Variants in KIF21A observed in about 807,000 individuals in gnomAD.
KIF21A encodes kinesin family member 21A.
A neutral mutation model predicts 202.9 loss-of-function variants in KIF21A; 114 were observed. The ratio of observed to expected loss-of-function variants is 0.56; its 90% CI spans 0.48 to 0.66. The LOEUF is 0.66. Among genes scored for constraint, KIF21A ranks in the 30% least tolerant of loss-of-function variants. KIF21A has a pLI of 0.00. For synonymous variants in KIF21A, 667 were observed against 670.8 expected (o/e 0.99, Z 0.09); for missense variants, 1,677 against 1,994.9 (o/e 0.84, Z 3.04).
intron 32 of KIF21A, among the ~76,000 whole-genome samples, chr12:39,310,678 C>T (rs79067965): frequency 0.036 from 5,437 of 152,098 alleles, 339 homozygotes; most frequent in African/African-American, 0.12. Context: ...AATATCCAAA[C>T]CATCCTATAC....
intron 1 of KIF21A, among the ~76,000 whole-genome samples, chr12:39,440,766 C>T (rs1166921709): frequency 1.3e-5 from 2 of 152,154 alleles, no homozygotes; most frequent in African/African-American, 4.8e-5. Context: ...TGGCTAATGC[C>T]TGTAATCCCA....
intron 1 of KIF21A, among the ~76,000 whole-genome samples, chr12:39,383,630 C>T (rs1274540868): frequency 6.6e-6 from 1 of 151,988 alleles, no homozygotes; most frequent in Admixed American, 6.6e-5. Flanking sequence ...AAAAATGAGG[C>T]AAATACAAAA....
At chr12:39,437,149 ATAT>A (rs1938921706) in intron 1 of KIF21A, among the ~76,000 whole-genome samples, 1 of 152,174 alleles carries the variant, frequency 6.6e-6, no homozygotes, top group Non-Finnish European at 1.5e-5. Flanking sequence ...AAGATTGGGC[ATAT>A]TATAGTATTA....
chr12:39,319,160 TAAAGTA>T (rs1477853188), intron 28 of KIF21A, among the ~76,000 whole-genome samples: 1 of 152,170 alleles, frequency 6.6e-6, no homozygotes, highest in Non-Finnish European at 1.5e-5. Flanking sequence ...TCAAAGAAAT[TAAAGTA>T]ATTCACTTCA....
At position 39,322,702 on chromosome 12, in the gene KIF21A, G is replaced by A. The variant is rs1945413905; in HGVS notation, c.3637C>T (p.Pro1213Ser). 1 of 1,614,112 alleles carries A rather than the reference G, an allele frequency of 6.2e-7. No individual in the cohort carries two copies. Among genetic ancestry groups the A allele is most frequent in the South Asian group, 1.1e-5 (1 of 91,076 alleles). ...ATCTTAGAAGGTAAGCCAGGTGGGG[G>A]AGAGAGCTCTTTTTCCCTAGCAGAA... Reference protein sequence around the residue: ...GTSAREKELSPPPGLPSKIGS... With the variant: ...GTSAREKELSSPPGLPSKIGS... Residue 1213 changes from proline (P) to serine (S), a missense_variant, in exon 27 of 38, where the codon CCC becomes TCC. This residue lies in a region of KIF21A where 705 missense variants were observed against 791.9 expected (regional missense o/e 0.89). Transcript: ENST00000361418.
At chr12:39,429,811 G>A (rs570036080) in intron 1 of KIF21A, among the ~76,000 whole-genome samples, 42 of 152,168 alleles carry the variant, frequency 2.8e-4, no homozygotes, top group South Asian at 1.7e-3. Flanking sequence ...AGAGTTTCAG[G>A]TAGATGGAGA....
In KIF21A at chr12:39,307,631, A is replaced by G; in HGVS notation, c.4376T>C (p.Leu1459Pro). The change falls in exon 34 of 38, where the codon CTA (leucine) becomes CCA (proline). Residue 1459 changes from leucine (L) to proline (P), a missense_variant. Coordinates refer to ENST00000361418, the MANE Select transcript of KIF21A (RefSeq NM_001173464.2). ...SGENQINQIA[L>P]NPTGTFLYAA... ...ATAGAGGAAGGTGCCAGTTGGGTTT[A>G]GGGCAATTTGATTGATCTGGTTCTC... The G allele has an allele frequency of 6.2e-7, 1 of 1,614,120 alleles. No individual in the cohort carries two copies. The highest frequency in any genetic ancestry group is 1.1e-5 in the South Asian group (1 of 91,086).
intron 1 of KIF21A, among the ~76,000 whole-genome samples, chr12:39,388,106 T>G (rs1455947981): frequency 1.3e-5 from 2 of 152,134 alleles, no homozygotes; most frequent in Non-Finnish European, 2.9e-5. Flanking sequence ...TGATCCCCAG[T>G]GTTGGAGGTG....
intron 1 of KIF21A, among the ~76,000 whole-genome samples, chr12:39,395,551 C>T (rs1487417100): frequency 6.6e-6 from 1 of 152,138 alleles, no homozygotes; most frequent in African/African-American, 2.4e-5. Context: ...ATAAAAATCA[C>T]CCACTTTCAG....
chr12:39,353,949 G>C, intron 10 of KIF21A, among the ~76,000 whole-genome samples: 1 of 152,040 alleles, frequency 6.6e-6, no homozygotes, highest in Middle Eastern at 3.2e-3. Context: ...TGAGGTATGA[G>C]GGCAAGTGTA....
rs1945414445 is a variant in KIF21A at position 39,322,704 on chromosome 12, G to A, written c.3635C>T (p.Ser1212Phe). 2 of 1,614,082 alleles carry A rather than the reference G, an allele frequency of 1.2e-6. No individual in the cohort carries two copies. Residue 1212 changes from serine to phenylalanine, a missense_variant, in exon 27 of 38, where the codon TCT (serine) becomes TTT (phenylalanine). By Grantham distance (155) the Ser-to-Phe change is radical (BLOSUM62 -2). Transcript: ENST00000361418. ...CTTAGAAGGTAAGCCAGGTGGGGGA[G>A]AGAGCTCTTTTTCCCTAGCAGAAGT... is the stretch of plus-strand genomic sequence containing the variant. Reference protein sequence around the residue: ...SGTSAREKELSPPPGLPSKIG... With the variant: ...SGTSAREKELFPPPGLPSKIG...
At chr12:39,329,172 T>C (rs1233867595) in intron 24 of KIF21A, among the ~76,000 whole-genome samples, 1 of 152,178 alleles carries the variant, frequency 6.6e-6, no homozygotes, top group African/African-American at 2.4e-5. Flanking sequence ...TTTATTTAGC[T>C]CCTTTCGTCT....
chr12:39,370,165 C>T lies in KIF21A; in HGVS notation c.141G>A (p.Lys47=). Residue 47 remains lysine, a synonymous_variant, in exon 2 of 38, where the codon AAG becomes AAA. Coordinates refer to ENST00000361418, the MANE Select transcript of KIF21A (RefSeq NM_001173464.2). ...CAAATACATAGTCAAAAGTAAAAGC[C>T]TTATCTTTCCCTAGGAAGACCTGAG... ...GEPQVFLGKD[K]AFTFDYVFDI... The T allele has an allele frequency of 6.2e-7, 1 of 1,613,456 alleles. No individual in the cohort carries two copies. The highest frequency in any genetic ancestry group is 8.5e-7 in the Non-Finnish European group (1 of 1,179,576).
Position 39,332,682 on chromosome 12 carries a change from T to G in KIF21A, c.2765A>C (p.Lys922Thr), listed in dbSNP as rs1211233492. 6.2e-7 allele frequency: 1 copy of G among 1,614,082 alleles called. No individual in the cohort carries two copies. Among genetic ancestry groups the G allele is most frequent in the African/African-American group, 1.3e-5 (1 of 75,052 alleles). ...RVFISKTARMKWQLLERRVTD... is the reference protein window; with the variant it reads ...RVFISKTARMTWQLLERRVTD... ...GACCCTGCGCTCAAGGAGCTGCCAC[T>G]TCATGCGAGCTGTCTTGGAAATAAA... is the stretch of plus-strand genomic sequence containing the variant. Residue 922 changes from lysine to threonine, a missense_variant, in exon 20 of 38, where the codon AAG (lysine) becomes ACG (threonine). Transcript: ENST00000361418.
intron 27 of KIF21A, among the ~76,000 whole-genome samples, chr12:39,321,133 T>C (rs1236349366): frequency 6.6e-6 from 1 of 152,096 alleles, no homozygotes; most frequent in Non-Finnish European, 1.5e-5. Flanking sequence ...AAGCATCACC[T>C]GAGTAAAATT....
rs1297147858 is a variant in KIF21A, at chr12:39,307,721, C to G, written c.4286G>C (p.Gly1429Ala). ...AKCIRTLTSS[G>A]QVTLGDACSA... ...ACAAGCATCTCCAAGAGTAACTTGA[C>G]CTGAAGACCTTAAGAGATACAAACA... is the stretch of plus-strand genomic sequence containing the variant. Residue 1429 changes from glycine to alanine, a missense_variant, in exon 34 of 38, where the codon GGT (glycine) becomes GCT (alanine). Transcript: ENST00000361418. 1.2e-6 allele frequency: 2 copies of G among 1,613,748 alleles called. No homozygotes were observed. Among genetic ancestry groups the G allele is most frequent in the Non-Finnish European group, 1.7e-6 (2 of 1,179,908 alleles).
intron 24 of KIF21A, chr12:39,329,992 T>A: frequency 2.5e-6 from 1 of 395,932 alleles, no homozygotes; most frequent in South Asian, 4.5e-5. Flanking sequence ...GAGGCACAAC[T>A]GGAACTCAGA....
chr12:39,337,614 C>G (rs554474332), intron 16 of KIF21A: 19 of 190,790 alleles, frequency 1.0e-4, no homozygotes, highest in African/African-American at 4.5e-4. Flanking sequence ...AGCGTTTTAA[C>G]AGTACCTGGC....
intron 26 of KIF21A, among the ~76,000 whole-genome samples, chr12:39,325,395 G>A (rs775637894): frequency 9.4e-4 from 141 of 150,286 alleles, no homozygotes; most frequent in Non-Finnish European, 1.7e-3. Context: ...GCAGTTGCGC[G>A]ATCTCGGTTC....
Sources: gnomAD v4.1 joint callset for allele counts (sites outside exome capture counted in the v4.1 genomes callset) on GRCh38, gnomAD v4.1.1 for gene constraint, gnomAD v4.1.1 regional missense constraint, MANE v1.5 for transcripts, NCBI Gene and HGNC (gene_info 2026-07-23, HGNC 2026-07-21) for gene names.